ZBTB46: variants seen among roughly 807,000 people sequenced by gnomAD.
The protein encoded by ZBTB46 is zinc finger and BTB domain containing 46.
A neutral mutation model predicts 44.1 loss-of-function variants in ZBTB46; 8 were observed. The observed-to-expected ratio is 0.18, with a 90% CI of 0.11 to 0.33. The LOEUF (loss-of-function observed/expected upper bound fraction) is 0.33, where lower values mean the gene tolerates loss of function less well. Ranked by LOEUF, ZBTB46 falls within the 10% of genes least tolerant of loss-of-function variation. The pLI, the probability that ZBTB46 is intolerant of heterozygous loss-of-function variation, is 1.00. For synonymous variants in ZBTB46, 409 were observed against 382.3 expected, an observed-to-expected ratio of 1.07 and a Z score of -0.81; for missense variants, 651 against 847.7, an observed-to-expected ratio of 0.77 and a Z score of 2.88.
At chr20:63,815,846 GTGAGTGCAGGTGCAGGTGGGCGCAGGTC>G (rs2092750133) in intron 1 of ZBTB46, among the ~76,000 whole-genome samples, 1 of 104,286 alleles carries the variant, frequency 9.6e-6, no homozygotes. Context: ...CACAGGTGCA[GTGAGTGCAGGTGCAGGTGGGCGCAGGTC>G]CAGTGGGTGC....
At chr20:63,792,356 C>T (rs1313982145) in intron 1 of ZBTB46, among the ~76,000 whole-genome samples, 1 of 152,196 alleles carries the variant, frequency 6.6e-6, no homozygotes, top group African/African-American at 2.4e-5. Context: ...TAGGAGAAAA[C>T]TAAGCGAGCG....
chr20:63,759,392 C>CT (rs1032769657), intron 3 of ZBTB46, among the ~76,000 whole-genome samples: 10 of 151,922 alleles, frequency 6.6e-5, no homozygotes, highest in East Asian at 1.9e-4. Flanking sequence ...ATTTCTTTTT[C>CT]TTTTTTTTCT....
rs6011172 is a variant in ZBTB46, at chr20:63,829,165, A to T, written c.-34+1932T>A. Among the ~76,000 whole-genome samples the T allele has an allele frequency of 5.9e-4, 90 of 152,260 alleles. 1 individual carries two copies. The highest frequency in any genetic ancestry group is 7.5e-4 in the Non-Finnish European group (51 of 68,020). On this transcript the variant is annotated intron_variant, in intron 1 of 4. Transcript: ENST00000245663. ...ACCAGGGGCTGGGGAGGGACGGAGGACGCAGGGCACTGGGTCAGCCTGGCC... is the reference window on the plus strand; with the variant it reads ...ACCAGGGGCTGGGGAGGGACGGAGGTCGCAGGGCACTGGGTCAGCCTGGCC...
chr20:63,750,990 A>T (rs1456151314), intron 4 of ZBTB46, among the ~76,000 whole-genome samples: 1 of 152,230 alleles, frequency 6.6e-6, no homozygotes. Context: ...CAAAACGTTT[A>T]CTGAGAGGTT....
chr20:63,773,844 A>G (rs1281946665), intron 3 of ZBTB46, among the ~76,000 whole-genome samples: 2 of 152,144 alleles, frequency 1.3e-5, no homozygotes, highest in East Asian at 3.9e-4. Flanking sequence ...GGATGCCCAC[A>G]TGCCCTGCCA....
At chr20:63,758,439 C>T (rs1176299779) in intron 3 of ZBTB46, among the ~76,000 whole-genome samples, 3 of 152,030 alleles carry the variant, frequency 2.0e-5, no homozygotes, top group Non-Finnish European at 2.9e-5. Context: ...CTGACTGACC[C>T]TGGTGCTTCC....
chr20:63,756,061 T>TTCG (rs1339073000), intron 3 of ZBTB46, among the ~76,000 whole-genome samples: 6 of 152,182 alleles, frequency 3.9e-5, no homozygotes. Flanking sequence ...ACTGCAGTCA[T>TTCG]TCGTGCCGGA....
At chr20:63,807,818 CCCT>C (rs1242537131) in intron 1 of ZBTB46, among the ~76,000 whole-genome samples, 4 of 152,288 alleles carry the variant, frequency 2.6e-5, no homozygotes, top group African/African-American at 9.6e-5. Context: ...GGCTCGCTCC[CCCT>C]CCGAGCGGGT....
upstream of ZBTB46, among the ~76,000 whole-genome samples, chr20:63,833,764 CA>C (rs2092862303): frequency 6.6e-6 from 1 of 152,198 alleles, no homozygotes; most frequent in Non-Finnish European, 1.5e-5. Context: ...GAAGGTCAAG[CA>C]GCCTGGAGAC....
chr20:63,799,183 A>C (rs1231116396), intron 1 of ZBTB46, among the ~76,000 whole-genome samples: 2 of 148,684 alleles, frequency 1.3e-5, no homozygotes, highest in African/African-American at 4.9e-5. Flanking sequence ...GGTGCACACC[A>C]CCACACTCAG....
At chr20:63,805,215 G>A (rs1414621806) in intron 1 of ZBTB46, among the ~76,000 whole-genome samples, 1 of 152,064 alleles carries the variant, frequency 6.6e-6, no homozygotes, top group Non-Finnish European at 1.5e-5. Context: ...CACCACGCCC[G>A]ACCTACAGTA....
At chr20:63,799,067 G>A (rs2092624544) in intron 1 of ZBTB46, among the ~76,000 whole-genome samples, 1 of 151,886 alleles carries the variant, frequency 6.6e-6, no homozygotes, top group South Asian at 2.1e-4. Context: ...GTGTCACTCA[G>A]TCACCCAGGC....
chr20:63,795,732 C>T (rs6011119), intron 1 of ZBTB46, among the ~76,000 whole-genome samples: 12,504 of 152,216 alleles, frequency 0.082, 954 homozygotes, highest in East Asian at 0.44. Flanking sequence ...CCTGTGTCCC[C>T]AGCAGAATGA....
intron 1 of ZBTB46, among the ~76,000 whole-genome samples, chr20:63,817,335 A>G (rs750463735): frequency 3.4e-4 from 51 of 151,710 alleles, no homozygotes; most frequent in Admixed American, 3.9e-4. Context: ...AGTCTGGGAG[A>G]AGGAGGCTAC....
chr20:63,753,305 A>G (rs2092188596), intron 3 of ZBTB46, among the ~76,000 whole-genome samples: 1 of 152,166 alleles, frequency 6.6e-6, no homozygotes, highest in Non-Finnish European at 1.5e-5. Context: ...ACTGTGGAGT[A>G]ATACGGACCC....
At chr20:63,821,439 G>GT (rs1568908288) in intron 1 of ZBTB46, among the ~76,000 whole-genome samples, 1 of 119,506 alleles carries the variant, frequency 8.4e-6, no homozygotes, top group Non-Finnish European at 1.7e-5. Context: ...AAGCAGGCAC[G>GT]CTTTTTTTTT....
intron 1 of ZBTB46, among the ~76,000 whole-genome samples, chr20:63,799,568 G>C (rs1460041859): frequency 6.6e-6 from 1 of 151,884 alleles, no homozygotes; most frequent in Non-Finnish European, 1.5e-5. Flanking sequence ...GGCTGGTCTC[G>C]AGCTCCTGGC....
At chr20:63,759,425 A>G (rs1209652398) in intron 3 of ZBTB46, among the ~76,000 whole-genome samples, 1 of 151,614 alleles carries the variant, frequency 6.6e-6, no homozygotes, top group African/African-American at 2.4e-5. Flanking sequence ...GGGTCTTGCC[A>G]TGTTGCCCAG....
intron 2 of ZBTB46, among the ~76,000 whole-genome samples, chr20:63,786,155 C>A (rs919315947): frequency 1.3e-5 from 2 of 152,194 alleles, no homozygotes; most frequent in Non-Finnish European, 2.9e-5. Flanking sequence ...AATAAACCCC[C>A]CAAAGCCGTG....
Sources: gnomAD v4.1 joint callset for allele counts (sites outside exome capture counted in the v4.1 genomes callset) on GRCh38, gnomAD v4.1.1 for gene constraint, MANE v1.5 for transcripts, NCBI Gene and HGNC (gene_info 2026-07-23, HGNC 2026-07-21) for gene names.